Variants in ZNF804B observed in about 807,000 individuals in gnomAD.
The protein encoded by ZNF804B is zinc finger protein 804B.
Under a neutral mutation model 101.4 loss-of-function variants are expected in ZNF804B, and 80 were observed. The ratio of observed to expected loss-of-function variants is 0.79; its 90% CI spans 0.66 to 0.95. The LOEUF (loss-of-function observed/expected upper bound fraction) is 0.95, where lower values mean the gene tolerates loss of function less well. Among genes scored for constraint, ZNF804B ranks in the 40% least tolerant of loss-of-function variants. The pLI is 0.00. For synonymous variants in ZNF804B, 622 were observed against 558.8 expected (o/e 1.11, Z -1.59); for missense variants, 1,673 against 1,561.9 (o/e 1.07, Z -1.20).
At chr7:89,085,163 A>G (rs1789771230) in intron 1 of ZNF804B, among the ~76,000 whole-genome samples, 1 of 151,920 alleles carries the variant, frequency 6.6e-6, no homozygotes. Context: ...CTCTTTTGAA[A>G]AATCGAAGCT....
At chr7:89,211,470 T>A (rs1788802631) in intron 1 of ZNF804B, among the ~76,000 whole-genome samples, 1 of 152,188 alleles carries the variant, frequency 6.6e-6, no homozygotes, top group Admixed American at 6.5e-5. Flanking sequence ...ATTGCCTAGA[T>A]TTTCTTCTAG....
At chr7:89,208,226 T>C (rs6967999) in intron 1 of ZNF804B, among the ~76,000 whole-genome samples, 107,505 of 151,678 alleles carry the variant, frequency 0.71, 38,737 homozygotes, top group African/African-American at 0.76. Flanking sequence ...GGACTACAGG[T>C]GCCAGCCACC....
At chr7:89,019,012 A>T (rs1237730788) in intron 1 of ZNF804B, among the ~76,000 whole-genome samples, 1 of 151,758 alleles carries the variant, frequency 6.6e-6, no homozygotes, top group Non-Finnish European at 1.5e-5. Flanking sequence ...TTCTCATTTC[A>T]TTCTACCAGT....
At chr7:88,977,624 T>G (rs1793634170) in intron 1 of ZNF804B, among the ~76,000 whole-genome samples, 1 of 151,576 alleles carries the variant, frequency 6.6e-6, no homozygotes. Flanking sequence ...TTCGTTTGGG[T>G]CTCCTCTCCT....
intron 1 of ZNF804B, among the ~76,000 whole-genome samples, chr7:89,049,429 C>T (rs756306682): frequency 6.6e-6 from 1 of 152,102 alleles, no homozygotes; most frequent in Non-Finnish European, 1.5e-5. Flanking sequence ...GAAAACTTGC[C>T]AGCTGGTTTT....
intron 2 of ZNF804B, among the ~76,000 whole-genome samples, chr7:89,323,432 A>G (rs992397077): frequency 6.6e-6 from 1 of 152,204 alleles, no homozygotes; most frequent in Non-Finnish European, 1.5e-5. Context: ...ATAAAAACCA[A>G]GCAATATTTA....
intron 1 of ZNF804B, among the ~76,000 whole-genome samples, chr7:88,906,033 A>G (rs935170850): frequency 4.7e-5 from 7 of 150,170 alleles, no homozygotes; most frequent in African/African-American, 1.7e-4. Flanking sequence ...GAATTTATCC[A>G]TTTTCTCTAG....
intron 1 of ZNF804B, among the ~76,000 whole-genome samples, chr7:88,795,339 T>G (rs191993136): frequency 7.9e-5 from 12 of 151,584 alleles, no homozygotes; most frequent in African/African-American, 2.9e-4. Context: ...CAAATCTAAC[T>G]GATCTATAAC....
intron 1 of ZNF804B, among the ~76,000 whole-genome samples, chr7:89,042,697 C>T (rs1181198203): frequency 1.3e-5 from 2 of 152,080 alleles, no homozygotes; most frequent in Non-Finnish European, 2.9e-5. Context: ...GGATTGGATA[C>T]GAATGTGTTT....
intron 1 of ZNF804B, among the ~76,000 whole-genome samples, chr7:88,988,070 C>A (rs1201392771): frequency 2.6e-5 from 4 of 151,570 alleles, no homozygotes; most frequent in Non-Finnish European, 5.9e-5. Context: ...TGAGAACATG[C>A]GATATTTGTC....
chr7:89,253,081 A>T (rs1789567039), intron 2 of ZNF804B, among the ~76,000 whole-genome samples: 1 of 152,170 alleles, frequency 6.6e-6, no homozygotes, highest in South Asian at 2.1e-4. Context: ...AAAATCTATA[A>T]TTAAATAAAT....
chr7:89,243,295 AC>A (rs5885669), intron 2 of ZNF804B, among the ~76,000 whole-genome samples: 36,034 of 151,482 alleles, frequency 0.24, 4,506 homozygotes, highest in Non-Finnish European at 0.27. Context: ...TTAAGAAAAC[AC>A]GAGGATATAA....
At chr7:89,115,232 C>G (rs1333159546) in intron 1 of ZNF804B, among the ~76,000 whole-genome samples, 1 of 152,186 alleles carries the variant, frequency 6.6e-6, no homozygotes, top group African/African-American at 2.4e-5. Flanking sequence ...TAACCATTAC[C>G]TCTGTCATCC....
At chr7:89,256,393 A>G (rs900212977) in intron 2 of ZNF804B, among the ~76,000 whole-genome samples, 1 of 152,124 alleles carries the variant, frequency 6.6e-6, no homozygotes, top group African/African-American at 2.4e-5. Context: ...AAATATATAT[A>G]TGCAAGCTGG....
At chr7:89,314,655 G>A (rs1327448483) in intron 2 of ZNF804B, among the ~76,000 whole-genome samples, 1 of 152,218 alleles carries the variant, frequency 6.6e-6, no homozygotes. Context: ...GGTAGACACT[G>A]ATAGTTTGCT....
intron 1 of ZNF804B, among the ~76,000 whole-genome samples, chr7:88,877,030 T>TATATATATATATA (rs1791957881): frequency 2.3e-5 from 1 of 43,162 alleles, no homozygotes; most frequent in African/African-American, 1.3e-4. Context: ...ATATATAATA[T>TATATATATATATA]ATATATATAT....
intron 2 of ZNF804B, among the ~76,000 whole-genome samples, chr7:89,289,378 C>T (rs973234967): frequency 6.6e-6 from 1 of 151,566 alleles, no homozygotes; most frequent in African/African-American, 2.4e-5. Flanking sequence ...CAACAAAAAA[C>T]CTTCTTAAGA....
At chr7:89,291,279 AAACT>A (rs1294330130) in intron 2 of ZNF804B, among the ~76,000 whole-genome samples, 3 of 140,286 alleles carry the variant, frequency 2.1e-5, no homozygotes, top group East Asian at 3.9e-4. Flanking sequence ...CTCACCAAAC[AAACT>A]AAATAAGACA....
At position 89,011,899 on chromosome 7, in the gene ZNF804B, C is replaced by A. The variant is rs917913422; in HGVS notation, c.109-206256C>A. On this transcript the variant is annotated intron_variant, in intron 1 of 3. Transcript: ENST00000333190. Reference sequence around the variant, plus strand: ...CTTCGCACAGCTCCACTCAGTAGTGCTCCAGTGGGGACACTGTGGGGGATC... The same window carrying A: ...CTTCGCACAGCTCCACTCAGTAGTGATCCAGTGGGGACACTGTGGGGGATC... Among the ~76,000 whole-genome samples, 11 of 152,282 alleles carry A rather than the reference C, an allele frequency of 7.2e-5. No individual in the cohort carries two copies. In the South Asian group the frequency reaches 2.3e-3, roughly 32 times the overall value.
Sources: gnomAD v4.1 joint callset for allele counts (sites outside exome capture counted in the v4.1 genomes callset) on GRCh38, gnomAD v4.1.1 for gene constraint, MANE v1.5 for transcripts, NCBI Gene and HGNC (gene_info 2026-07-23, HGNC 2026-07-21) for gene names.